Variants in ARHGEF1 observed in about 807,000 individuals in gnomAD.
ARHGEF1 encodes Rho guanine nucleotide exchange factor 1, also known as 115 kDa guanine nucleotide exchange factor.
A neutral mutation model predicts 119.7 loss-of-function variants in ARHGEF1; 40 were observed. The ratio of observed to expected loss-of-function variants is 0.33; its 90% confidence interval spans 0.26 to 0.44. The LOEUF (loss-of-function observed/expected upper bound fraction) is 0.44. Among genes scored for constraint, ARHGEF1 ranks in the 20% least tolerant of loss-of-function variants. ARHGEF1 has a pLI of 1.00. For missense variants in ARHGEF1, 976 were observed against 1,268.3 expected, an observed-to-expected ratio of 0.77 and a Z score of 3.50; for synonymous variants, 494 against 521.0, an observed-to-expected ratio of 0.95 and a Z score of 0.71.
chr19:41,884,190 C>T (rs1261641593), intron 1 of ARHGEF1, among the ~76,000 whole-genome samples: 1 of 152,128 alleles, frequency 6.6e-6, no homozygotes, highest in East Asian at 1.9e-4. Flanking sequence ...GGGCGGGGCC[C>T]GGGGAGTGAC....
Position 41,889,202 on chromosome 19 carries a change from G to A in ARHGEF1, c.225+337G>A, listed in dbSNP as rs1488932406. ...GCAGCGCCCCCATCAGCCTGTGGCA[G>A]CACCTTTCCGTGAACTCTAGGGGAC... On this transcript the variant is annotated intron_variant, in intron 4 of 28. Transcript: ENST00000354532. The surrounding 1 kb of genome is among the most constrained non-coding windows in gnomAD (Gnocchi z 4.0). The A allele has an allele frequency of 6.4e-5, 15 of 233,592 alleles. No homozygotes were observed. Among genetic ancestry groups the A allele is most frequent in the African/African-American group, 3.3e-4 (15 of 45,284 alleles). 14.5% of individuals were successfully genotyped at this position (233,592 alleles called of 1,614,324 possible).
At chr19:41,887,848 A>T (rs1199578837) in intron 1 of ARHGEF1, among the ~76,000 whole-genome samples, 1 of 152,112 alleles carries the variant, frequency 6.6e-6, no homozygotes, top group African/African-American at 2.4e-5. Flanking sequence ...CTGAGCCTCC[A>T]ACGCCTGCCC....
upstream of ARHGEF1, among the ~76,000 whole-genome samples, chr19:41,922,466 G>A (rs2074848040): frequency 1.3e-5 from 2 of 152,198 alleles, no homozygotes. Flanking sequence ...CAGGGAATCG[G>A]ATGACAAGGA....
intron 18 of ARHGEF1, among the ~76,000 whole-genome samples, chr19:41,918,069 G>T (rs2074812785): frequency 6.6e-6 from 1 of 151,814 alleles, no homozygotes; most frequent in Non-Finnish European, 1.5e-5. Context: ...GGGTGATGTG[G>T]GGTTTCCTGC....
At position 41,892,545 on chromosome 19, in the gene ARHGEF1, GGACCGT is replaced by G. The variant is rs529138487; in HGVS notation, c.368-56_368-51del. The G allele has an allele frequency of 4.2e-4, 663 of 1,566,580 alleles. 2 individuals are homozygous for G. In the African/African-American group the frequency reaches 7.6e-3, roughly 18 times the overall value. On this transcript the variant is annotated intron_variant, in intron 6 of 28. Transcript: ENST00000354532. The surrounding 1 kb of genome is among the most constrained non-coding windows in gnomAD (Gnocchi z 6.3). The stretch of plus-strand genomic sequence containing the variant: ...GCTGTTGGAGTCCAAGGGTGGGTGG[GGACCGT>G]GGTCCAAGCCACCAGGGAGCTGGAC...
Position 41,902,198 on chromosome 19 carries a change from C to A in ARHGEF1, c.1415-76C>A. 6.3e-7 allele frequency: 1 copy of A among 1,584,000 alleles called. No homozygotes were observed. Among genetic ancestry groups the A allele is most frequent in the Non-Finnish European group, 8.7e-7 (1 of 1,156,062 alleles). On this transcript the variant is annotated intron_variant, in intron 15 of 28. Coordinates refer to ENST00000354532, the MANE Select transcript of ARHGEF1 (RefSeq NM_004706.4). The surrounding 1 kb of genome is among the most constrained non-coding windows in gnomAD (Gnocchi z 6.5). ...ACACAGACACACCTGCAGCCCTACC[C>A]CCACCACACCGCAGCAGGCCCCGCA...
rs1287993904 is a variant in ARHGEF1, at chr19:41,904,581, G to A, written c.2161+198G>A. On this transcript the variant is annotated intron_variant, in intron 22 of 28. Transcript: ENST00000354532. This position sits in a 1 kb window ranked among gnomAD's most constrained non-coding sequence, Gnocchi z 8.4. ...GAGGTAGGAACTGCTGCAGGTGTTT[G>A]CACAGAGGCGTGTCTTGTGTAAACA... Among the ~76,000 whole-genome samples, 3 of 152,096 alleles carry A rather than the reference G, an allele frequency of 2.0e-5. No homozygotes were observed. Among genetic ancestry groups the A allele is most frequent in the Non-Finnish European group, 4.4e-5 (3 of 68,014 alleles).
chr19:41,913,010 C>A, intron 18 of ARHGEF1: 2 of 592,868 alleles, frequency 3.4e-6, no homozygotes, highest in South Asian at 8.5e-5. Context: ...GGGCGCTGCC[C>A]GGGGCCTTCC....
At chr19:41,925,504 G>A (rs528208860) in intron 1 of ARHGEF1, among the ~76,000 whole-genome samples, 10 of 152,242 alleles carry the variant, frequency 6.6e-5, no homozygotes, top group Admixed American at 2.0e-4. Context: ...GTGCAAGAAG[G>A]AGTGAGACAC....
chr19:41,893,127 C>T, intron 7 of ARHGEF1, 147 bp from the exon 8 acceptor site: 1 of 1,162,108 alleles, frequency 8.6e-7, no homozygotes, highest in South Asian at 1.6e-5. Flanking sequence ...CCTCTTATGA[C>T]AGTCCTTCCC....
intron 12 of ARHGEF1, among the ~76,000 whole-genome samples, chr19:41,896,021 G>A (rs2074479142): frequency 6.6e-6 from 1 of 152,210 alleles, no homozygotes; most frequent in South Asian, 2.1e-4. Context: ...AGTATGAGAG[G>A]GTGGGGAGGA....
chr19:41,914,929 G>A (rs1202648587), intron 18 of ARHGEF1, among the ~76,000 whole-genome samples: 2 of 103,436 alleles, frequency 1.9e-5, no homozygotes, highest in Non-Finnish European at 3.9e-5. Flanking sequence ...CACCATCTCC[G>A]TCTCTGTCTC....
chr19:41,913,684 G>C (rs1295459804), intron 18 of ARHGEF1, among the ~76,000 whole-genome samples: 2 of 143,806 alleles, frequency 1.4e-5, no homozygotes, highest in Non-Finnish European at 3.0e-5. Context: ...TGCCTCCCCT[G>C]TCAGACCCCC....
rs782657156 is a variant in ARHGEF1 at position 41,904,206 on chromosome 19, C to G, written c.1994-10C>G. 3.7e-6 allele frequency: 6 copies of G among 1,613,240 alleles called. No individual in the cohort carries two copies. The African/African-American group carries it at 4.0e-5, about 11-fold the overall frequency. On this transcript the variant is annotated splice_polypyrimidine_tract_variant and intron_variant, in intron 21 of 28. Coordinates refer to ENST00000354532, the MANE Select transcript of ARHGEF1 (RefSeq NM_004706.4). This position sits in a 1 kb window ranked among gnomAD's most constrained non-coding sequence, Gnocchi z 8.4. ...GGGGGCACGCCGTGTGAGCACTGCT[C>G]GCCCCGTAGAGGTGCATGTGCTGCT...
rs782310460 is a variant in ARHGEF1, at chr19:41,904,928, C to T, written c.2162-21C>T. 1 of 1,606,266 alleles carries T rather than the reference C, an allele frequency of 6.2e-7. No individual in the cohort carries two copies. The highest frequency in any genetic ancestry group is 1.1e-5 in the South Asian group (1 of 90,924). Reference sequence around the variant, plus strand: ...CTGGGGGGACCTGGGCTCTGAGCCCCATCTCCCCCTCTCCCTGCAGATCAC... The same window carrying T: ...CTGGGGGGACCTGGGCTCTGAGCCCTATCTCCCCCTCTCCCTGCAGATCAC... On this transcript the variant is annotated intron_variant, in intron 22 of 28. Coordinates refer to ENST00000354532, the MANE Select transcript of ARHGEF1 (RefSeq NM_004706.4). The surrounding 1 kb of genome is among the most constrained non-coding windows in gnomAD (Gnocchi z 8.4).
Position 41,894,174 on chromosome 19 carries a change from G to A in ARHGEF1, c.645-33G>A, listed in dbSNP as rs2074437705. On this transcript the variant is annotated intron_variant, in intron 8 of 28. Coordinates refer to ENST00000354532, the MANE Select transcript of ARHGEF1 (RefSeq NM_004706.4). ...TGTGTGTGTGTGTGTGTGTCTTTGT[G>A]TGTGTTGAGCCCTCACTGTCCCTTC... The A allele has an allele frequency of 5.1e-5, 59 of 1,146,984 alleles. 1 individual carries two copies. Among genetic ancestry groups the A allele is most frequent in the Non-Finnish European group, 7.3e-5 (59 of 812,320 alleles). 71.1% of individuals were successfully genotyped at this position (1,146,984 alleles called of 1,614,324 possible).
upstream of ARHGEF1, among the ~76,000 whole-genome samples, chr19:41,922,931 C>T (rs2074850711): frequency 6.6e-6 from 1 of 152,174 alleles, no homozygotes; most frequent in African/African-American, 2.4e-5. Flanking sequence ...TGCCTCTGCC[C>T]ACCTCTCCCT....
upstream of ARHGEF1, among the ~76,000 whole-genome samples, chr19:41,921,518 CA>C (rs2074842150): frequency 6.6e-6 from 1 of 151,798 alleles, no homozygotes; most frequent in African/African-American, 2.4e-5. The surrounding 1 kb of genome is among the most constrained non-coding windows in gnomAD (Gnocchi z 4.4). Context: ...GAGAGACAGG[CA>C]GGGGGAGATC....
At position 41,916,793 on chromosome 19, in the gene ARHGEF1, C is replaced by G. The variant is rs2074804314; in HGVS notation, c.1866-6299C>G. ...CCACACACACACCCATTCACAGACA[C>G]AGTCACAATCACACACACACACCAA... On this transcript the variant is annotated intron_variant, in intron 18 of 20. Transcript: ENST00000599589. The surrounding 1 kb of genome is among the most constrained non-coding windows in gnomAD (Gnocchi z 5.4). Among the ~76,000 whole-genome samples, 1 of 152,108 alleles carries G rather than the reference C, an allele frequency of 6.6e-6. No homozygotes were observed. Among genetic ancestry groups the G allele is most frequent in the Non-Finnish European group, 1.5e-5 (1 of 68,018 alleles).
Sources: gnomAD v4.1 joint callset for allele counts (sites outside exome capture counted in the v4.1 genomes callset) on GRCh38, gnomAD v4.1.1 for gene constraint, Gnocchi (gnomAD v3.1) non-coding constraint, MANE v1.5 for transcripts, NCBI Gene and HGNC (gene_info 2026-07-23, HGNC 2026-07-21) for gene names.